CIITA: variants seen among roughly 807,000 people sequenced by gnomAD.
CIITA encodes the protein MHC class II transactivator.
Under a neutral mutation model 115.1 loss-of-function variants are expected in CIITA, and 72 were observed. The ratio of observed to expected loss-of-function variants is 0.63; its 90% CI spans 0.52 to 0.76. The LOEUF (loss-of-function observed/expected upper bound fraction) is 0.76, where lower values mean the gene tolerates loss of function less well. CIITA is among the 30% of genes least tolerant of loss of function. CIITA has a pLI of 0.00. For missense variants in CIITA, 1,617 were observed against 1,463.8 expected (o/e 1.10, Z -1.71); for synonymous variants, 763 against 635.6 (o/e 1.20, Z -3.02).
rs45482491 is a variant in CIITA, at chr16:10,925,728, G to A, written c.*1873G>A. On this transcript the variant is annotated 3_prime_UTR_variant, in exon 20 of 20. Coordinates refer to ENST00000324288, the MANE Select transcript of CIITA (RefSeq NM_000246.4). ...CGTACACACACATACACACACACGC[G>A]TGCACACACCAGAGCCCACCTTGGC... is the stretch of plus-strand genomic sequence containing the variant. 1.2e-3 allele frequency: 188 copies of A among 152,346 alleles called. No homozygotes were observed. The highest frequency in any genetic ancestry group is 6.8e-3 in the Middle Eastern group (2 of 296). 9.4% of individuals were successfully genotyped at this position (152,346 alleles called of 1,614,324 possible).
In CIITA at chr16:10,907,943, G is replaced by C; in HGVS notation, c.2451G>C (p.Glu817Asp). ...LELLHCAHEA[E>D]EAGIWQHVVQ... is the part of the protein sequence containing the mutation. ...TGCTGCACTGCGCCCACGAGGCCGAGGAGGCTGGAATTTGGCAGCACGTGG... is the reference window on the plus strand; with the variant it reads ...TGCTGCACTGCGCCCACGAGGCCGACGAGGCTGGAATTTGGCAGCACGTGG... The change falls in exon 11 of 20, where the codon GAG becomes GAC. Residue 817 changes from glutamate (E) to aspartate (D), a missense_variant. Coordinates refer to ENST00000324288, the MANE Select transcript of CIITA (RefSeq NM_000246.4). This position sits in a 1 kb window ranked among gnomAD's most constrained non-coding sequence, Gnocchi z 5.0. The C allele has an allele frequency of 6.4e-7, 1 of 1,563,742 alleles. No homozygotes were observed. The highest frequency in any genetic ancestry group is 8.6e-7 in the Non-Finnish European group (1 of 1,156,434).
At chr16:10,906,466 AC>A (rs754076286) in intron 10 of CIITA, 32 bp from the exon 11 acceptor site, 1 of 1,609,466 alleles carries the variant, frequency 6.2e-7, no homozygotes, top group East Asian at 2.2e-5. Context: ...CCTCTCACAT[AC>A]CCCCACCCTG....
intron 13 of CIITA, chr16:10,913,601 A>G (rs528890047): frequency 6.1e-5 from 9 of 146,874 alleles, no homozygotes; most frequent in African/African-American, 2.2e-4. Context: ...GGCGTGAGCC[A>G]CCACACCCGG....
At position 10,923,021 on chromosome 16, in the gene CIITA, G is replaced by A; in HGVS notation, c.3318-207G>A. 1 of 599,586 alleles carries A rather than the reference G, an allele frequency of 1.7e-6. No individual in the cohort carries two copies. Among genetic ancestry groups the A allele is most frequent in the East Asian group, 2.8e-5 (1 of 35,992 alleles). The allele number at this position is 599,586 out of a possible 1,614,324, so 37.1% of individuals were successfully genotyped here. ...TAACTAACCTTTCTGGGGTCACACA[G>A]CAAGTCAGCTGCAGAACCATAAAGG... is the stretch of plus-strand genomic sequence containing the variant. On this transcript the variant is annotated intron_variant, in intron 18 of 19. Transcript: ENST00000324288. The surrounding 1 kb of genome is among the most constrained non-coding windows in gnomAD (Gnocchi z 5.2).
At chr16:10,899,344 T>C (rs1217873176) in intron 5 of CIITA, among the ~76,000 whole-genome samples, 1 of 152,196 alleles carries the variant, frequency 6.6e-6, no homozygotes, top group Non-Finnish European at 1.5e-5. Flanking sequence ...ATAGTCTCTA[T>C]CTGGAATGCC....
intron 1 of CIITA, among the ~76,000 whole-genome samples, chr16:10,877,590 G>A (rs2035955118): frequency 6.6e-6 from 1 of 152,190 alleles, no homozygotes; most frequent in Non-Finnish European, 1.5e-5. Context: ...CCAGGTGTCT[G>A]GAGTATGAAC....
chr16:10,917,867 T>G (rs1380382399), intron 15 of CIITA, among the ~76,000 whole-genome samples: 1 of 152,150 alleles, frequency 6.6e-6, no homozygotes, highest in African/African-American at 2.4e-5. Flanking sequence ...CCAAATAATT[T>G]ACCGGAATTT....
chr16:10,882,207 A>G (rs1871241022), intron 1 of CIITA, among the ~76,000 whole-genome samples: 1 of 152,236 alleles, frequency 6.6e-6, no homozygotes, highest in Admixed American at 6.5e-5. Context: ...AAGTTTCTTT[A>G]AAAAGTTAAT....
At chr16:10,882,538 G>A (rs1219324418) in intron 1 of CIITA, among the ~76,000 whole-genome samples, 1 of 152,074 alleles carries the variant, frequency 6.6e-6, no homozygotes, top group Non-Finnish European at 1.5e-5. Flanking sequence ...AGACCAGCCT[G>A]GGCAACAGAG....
intron 16 of CIITA, among the ~76,000 whole-genome samples, chr16:10,918,983 C>G (rs2040119820): frequency 6.6e-6 from 1 of 152,004 alleles, no homozygotes; most frequent in South Asian, 2.1e-4. Context: ...GACTTCCATC[C>G]AGGCCCTGGT....
At chr16:10,899,784 G>T (rs999539919) in intron 5 of CIITA, among the ~76,000 whole-genome samples, 3 of 152,158 alleles carry the variant, frequency 2.0e-5, no homozygotes, top group Admixed American at 6.5e-5. Flanking sequence ...AAAGTGCAAA[G>T]AATATTCAGT....
Position 10,935,809 on chromosome 16 carries a change from C to G in CIITA, c.*11954C>G, listed in dbSNP as rs531817839. The G allele has an allele frequency of 3.3e-4, 51 of 152,292 alleles. No individual in the cohort carries two copies. The highest frequency in any genetic ancestry group is 1.1e-3 in the African/African-American group (46 of 41,560). 9.4% of individuals were successfully genotyped at this position (152,292 alleles called of 1,614,324 possible). On this transcript the variant is annotated 3_prime_UTR_variant, in exon 20 of 20. Coordinates refer to ENST00000324288, the MANE Select transcript of CIITA (RefSeq NM_000246.4). ...CATCAGACAAACCCAAATTGAGAGA[C>G]AGTTTACAAAACACCAGCCTTGTAC...
intron 1 of CIITA, among the ~76,000 whole-genome samples, chr16:10,881,886 G>C (rs2036469019): frequency 6.6e-6 from 1 of 152,096 alleles, no homozygotes; most frequent in Non-Finnish European, 1.5e-5. Flanking sequence ...TATGTTTTGG[G>C]CTACTCTAGA....
chr16:10,906,932 C>T lies in CIITA; in HGVS notation c.1440C>T (p.Ala480=). 1.9e-6 allele frequency: 3 copies of T among 1,613,340 alleles called. No homozygotes were observed. The highest frequency in any genetic ancestry group is 2.5e-6 in the Non-Finnish European group (3 of 1,180,020). Residue 480 remains alanine, a synonymous_variant, in exon 11 of 20, where the codon GCC becomes GCT. Coordinates refer to ENST00000324288, the MANE Select transcript of CIITA (RefSeq NM_000246.4). The stretch of plus-strand genomic sequence containing the variant: ...TGGGCCCACAGCCACTCGTGGCGGC[C>T]GATGAGGTTTTCAGCCACATCTTGA... ...FSLGPQPLVA[A]DEVFSHILKR... is the part of the protein sequence containing the mutation.
Position 10,907,049 on chromosome 16 carries a change from G to C in CIITA, c.1557G>C (p.Pro519=), listed in dbSNP as rs924677218. The C allele has an allele frequency of 1.2e-6, 2 of 1,607,228 alleles. No homozygotes were observed. The highest frequency in any genetic ancestry group is 4.5e-5 in the East Asian group (2 of 44,874). ...GFLHSTCGPA[P]AEPCSLRGLL... ...TGCACAGCACGTGCGGACCGGCACC[G>C]GCGGAGCCCTGCTCCCTCCGGGGGC... Residue 519 remains proline (P), a synonymous_variant, in exon 11 of 20, where the codon CCG becomes CCC. Coordinates refer to ENST00000324288, the MANE Select transcript of CIITA (RefSeq NM_000246.4). The surrounding 1 kb of genome is among the most constrained non-coding windows in gnomAD (Gnocchi z 5.0).
chr16:10,909,632 A>G (rs540869309), intron 12 of CIITA, among the ~76,000 whole-genome samples: 4 of 152,316 alleles, frequency 2.6e-5, no homozygotes, highest in East Asian at 1.9e-4. Flanking sequence ...TTCATCACAC[A>G]TTGTTTGAGC....
chr16:10,916,466 G>A lies in CIITA; in HGVS notation c.3062+7G>A, dbSNP rs1235330258. On this transcript the variant is annotated splice_region_variant and intron_variant, in intron 15 of 19. Coordinates refer to ENST00000324288, the MANE Select transcript of CIITA (RefSeq NM_000246.4). ...AGTCCTTGGAAACCCTCAAGTGAGT[G>A]AGCTGGGCCTGCCCTTCCTGCTGAA... 1 of 1,608,504 alleles carries A rather than the reference G, an allele frequency of 6.2e-7. No individual in the cohort carries two copies. The highest frequency in any genetic ancestry group is 2.2e-5 in the East Asian group (1 of 44,582).
intron 1 of CIITA, among the ~76,000 whole-genome samples, chr16:10,872,140 G>C (rs1010148054): frequency 2.6e-5 from 4 of 151,530 alleles, no homozygotes; most frequent in Admixed American, 6.6e-5. Flanking sequence ...TTTGGGTGGG[G>C]GGGACACAGT....
chr16:10,927,968 G>A lies in CIITA; in HGVS notation c.*4113G>A, dbSNP rs1330292415. ...TGTAAGTCCACGCACCTTCCAAATG[G>A]TCACTCTTCCTCGCAGGCCTCTCTC... On this transcript the variant is annotated 3_prime_UTR_variant, in exon 20 of 20. Transcript: ENST00000324288. 1.3e-5 allele frequency: 2 copies of A among 152,150 alleles called. No homozygotes were observed. Among genetic ancestry groups the A allele is most frequent in the Admixed American group, 6.5e-5 (1 of 15,284 alleles). 9.4% of individuals were successfully genotyped at this position (152,150 alleles called of 1,614,324 possible).
Sources: gnomAD v4.1 joint callset for allele counts (sites outside exome capture counted in the v4.1 genomes callset) on GRCh38, gnomAD v4.1.1 for gene constraint, Gnocchi (gnomAD v3.1) non-coding constraint, MANE v1.5 for transcripts, NCBI Gene and HGNC (gene_info 2026-07-23, HGNC 2026-07-21) for gene names.